Variants in MTF1 observed in about 807,000 individuals in gnomAD.
The protein encoded by MTF1 is MRE-binding transcription factor.
A neutral mutation model predicts 70.4 loss-of-function variants in MTF1; 22 were observed. That is an observed-to-expected ratio of 0.31 (90% CI 0.22 to 0.45). The LOEUF is 0.45. Among genes scored for constraint, MTF1 ranks in the 20% least tolerant of loss-of-function variants. MTF1 has a pLI of 1.00. For missense variants in MTF1, 649 were observed against 922.0 expected, an observed-to-expected ratio of 0.70 and a Z score of 3.83; for synonymous variants, 333 against 352.8, an observed-to-expected ratio of 0.94 and a Z score of 0.63.
intron 4 of MTF1, among the ~76,000 whole-genome samples, chr1:37,836,825 C>T (rs945422090): frequency 6.6e-6 from 1 of 151,712 alleles, no homozygotes; most frequent in African/African-American, 2.4e-5. Flanking sequence ...TACATGCAAT[C>T]ATCATCATGT....
rs186226419 is a variant in MTF1, at chr1:37,814,086, G to C, written c.*1050C>G. Reference sequence around the variant, plus strand: ...ATGAGGCTGTATGCAAAATCCAGAGGGGGGCAGAGATGGAGGGGGCAACCC... The same window carrying C: ...ATGAGGCTGTATGCAAAATCCAGAGCGGGGCAGAGATGGAGGGGGCAACCC... On this transcript the variant is annotated 3_prime_UTR_variant, in exon 11 of 11. Transcript: ENST00000373036. The C allele has an allele frequency of 6.5e-6, 1 of 152,674 alleles. No homozygotes were observed. The highest frequency in any genetic ancestry group is 2.4e-5 in the African/African-American group (1 of 41,392). 9.5% of individuals were successfully genotyped at this position (152,674 alleles called of 1,614,324 possible).
chr1:37,817,341 G>A, intron 10 of MTF1, 78 bp downstream of exon 10: 1 of 868,826 alleles, frequency 1.2e-6, no homozygotes, highest in Non-Finnish European at 1.9e-6. Flanking sequence ...TTTAGAAACT[G>A]GGACAAAGCA....
intron 7 of MTF1, among the ~76,000 whole-genome samples, chr1:37,825,863 T>C (rs1453800215): frequency 1.3e-5 from 2 of 152,216 alleles, no homozygotes; most frequent in African/African-American, 4.8e-5. Context: ...ACATATAACA[T>C]TCAAAATATC....
In MTF1 at chr1:37,815,483, G is replaced by A. The variant is rs374578598; in HGVS notation, c.1915C>T (p.Arg639Trp). 1.6e-5 allele frequency: 26 copies of A among 1,584,060 alleles called. No homozygotes were observed. The highest frequency in any genetic ancestry group is 1.7e-4 in the Middle Eastern group (1 of 5,900). The stretch of plus-strand genomic sequence containing the variant: ...GATGCCCGCTCCTTTGCAGAGTCCC[G>A]GCATGCACACTGACACTGACATGCC... ...EEACQCQCAC[R>W]DSAKERASSR... Residue 639 changes from arginine (R) to tryptophan (W), a missense_variant, in exon 11 of 11, where the codon CGG (arginine) becomes TGG (tryptophan). By Grantham distance (101) the Arg-to-Trp change is moderately radical. Around this residue, in one of 7 missense-constraint regions of MTF1, gnomAD observed 39 missense variants for 97.8 expected, o/e 0.40. Transcript: ENST00000373036. This position sits in a 1 kb window ranked among gnomAD's most constrained non-coding sequence, Gnocchi z 4.5.
intron 9 of MTF1, among the ~76,000 whole-genome samples, chr1:37,820,383 A>G (rs1254781072): frequency 6.6e-6 from 1 of 152,264 alleles, no homozygotes; most frequent in African/African-American, 2.4e-5. Context: ...GCAGTGGCCA[A>G]GAGCCACCAA....
At chr1:37,826,445 TG>T (rs1641002603) in intron 7 of MTF1, 1 of 376,170 alleles carries the variant, frequency 2.7e-6, no homozygotes, top group African/African-American at 2.1e-5. Context: ...CATGCCTGGC[TG>T]CTTTTTAAAA....
intron 3 of MTF1, 81 bp from the exon 4 acceptor site, chr1:37,838,837 T>G: frequency 9.2e-7 from 1 of 1,081,878 alleles, no homozygotes; most frequent in Non-Finnish European, 1.2e-6. Context: ...AGAGTTTCGC[T>G]CTTGTCGCCC....
rs892888165 is a variant in MTF1 at position 37,815,663 on chromosome 1, G to A, written c.1832-97C>T. 1.5e-5 allele frequency: 14 copies of A among 907,732 alleles called. No individual in the cohort carries two copies. In the East Asian group the frequency reaches 3.2e-4, roughly 21 times the overall value. The allele number at this position is 907,732 out of a possible 1,614,324, so 56.2% of individuals were successfully genotyped here. On this transcript the variant is annotated intron_variant, in intron 10 of 10. Coordinates refer to ENST00000373036, the MANE Select transcript of MTF1 (RefSeq NM_005955.3). This position sits in a 1 kb window ranked among gnomAD's most constrained non-coding sequence, Gnocchi z 4.5. ...GGACTAGGTGAGAGCAGAGTGCCATGGGAACCATGGGAAGGATGGTTGCCA... is the reference window on the plus strand; with the variant it reads ...GGACTAGGTGAGAGCAGAGTGCCATAGGAACCATGGGAAGGATGGTTGCCA...
chr1:37,840,346 A>C lies in MTF1; in HGVS notation c.409-188T>G. 3.3e-6 allele frequency: 2 copies of C among 611,202 alleles called. No homozygotes were observed. The highest frequency in any genetic ancestry group is 3.8e-5 in the South Asian group (2 of 52,766). 37.9% of individuals were successfully genotyped at this position (611,202 alleles called of 1,614,324 possible). On this transcript the variant is annotated intron_variant, in intron 2 of 10. Coordinates refer to ENST00000373036, the MANE Select transcript of MTF1 (RefSeq NM_005955.3). This position sits in a 1 kb window ranked among gnomAD's most constrained non-coding sequence, Gnocchi z 4.5. ...GTTGATCAAATCATACCTGGACAAC[A>C]CATAATGATTTATGGGGAAGAAATA...
At chr1:37,825,000 C>T (rs1309242964) in intron 7 of MTF1, among the ~76,000 whole-genome samples, 1 of 152,138 alleles carries the variant, frequency 6.6e-6, no homozygotes, top group Admixed American at 6.5e-5. Flanking sequence ...GGAAAGACTA[C>T]AGTTCTTCTA....
chr1:37,839,662 A>C (rs1333192331), intron 3 of MTF1, among the ~76,000 whole-genome samples: 1 of 152,184 alleles, frequency 6.6e-6, no homozygotes, highest in Non-Finnish European at 1.5e-5. Context: ...TGAGATGCAA[A>C]TCTAAACAGA....
chr1:37,827,786 A>G (rs1641026616), intron 7 of MTF1, among the ~76,000 whole-genome samples: 1 of 152,230 alleles, frequency 6.6e-6, no homozygotes, highest in South Asian at 2.1e-4. Flanking sequence ...TTTGTCAATG[A>G]TATTAGGTTG....
chr1:37,824,191 T>C (rs778226018), intron 7 of MTF1, among the ~76,000 whole-genome samples: 5 of 152,184 alleles, frequency 3.3e-5, no homozygotes, highest in Non-Finnish European at 7.4e-5. Context: ...GACTTGCCAG[T>C]TGATTTCCTG....
chr1:37,850,011 G>T (rs1306129531), intron 2 of MTF1, among the ~76,000 whole-genome samples: 1 of 152,224 alleles, frequency 6.6e-6, no homozygotes, highest in Non-Finnish European at 1.5e-5. Flanking sequence ...GGGAGGCCAA[G>T]GTGGAAGGAT....
intron 6 of MTF1, chr1:37,834,566 G>C (rs1240614527): frequency 1.2e-5 from 5 of 426,672 alleles, no homozygotes; most frequent in Non-Finnish European, 2.4e-5. Context: ...CACTCTGGCT[G>C]ATATATGTAG....
rs576730325 is a variant in MTF1 at position 37,809,982 on chromosome 1, A to C, written c.*5154T>G. 1 of 152,688 alleles carries C rather than the reference A, an allele frequency of 6.5e-6. No homozygotes were observed. Among genetic ancestry groups the C allele is most frequent in the Non-Finnish European group, 1.5e-5 (1 of 68,040 alleles). The allele number at this position is 152,688 out of a possible 1,614,324, so 9.5% of individuals were successfully genotyped here. ...CTTTCCTGGCTAGAAGATCTGAGCCAGAAATTCAGCAAAAATCTGTTTCCA... is the reference window on the plus strand; with the variant it reads ...CTTTCCTGGCTAGAAGATCTGAGCCCGAAATTCAGCAAAAATCTGTTTCCA... On this transcript the variant is annotated 3_prime_UTR_variant, in exon 11 of 11. Transcript: ENST00000373036.
chr1:37,824,797 A>C (rs1456290227), intron 7 of MTF1, among the ~76,000 whole-genome samples: 1 of 152,216 alleles, frequency 6.6e-6, no homozygotes, highest in Non-Finnish European at 1.5e-5. Context: ...ATGATATTCT[A>C]GTATGTATGC....
chr1:37,830,078 T>C (rs1314154195), intron 7 of MTF1, among the ~76,000 whole-genome samples: 2 of 152,194 alleles, frequency 1.3e-5, no homozygotes, highest in African/African-American at 2.4e-5. Flanking sequence ...GGCCAGAGAA[T>C]AGACTCCTAA....
chr1:37,846,061 G>A (rs1045801798), intron 2 of MTF1, among the ~76,000 whole-genome samples: 1 of 152,132 alleles, frequency 6.6e-6, no homozygotes, highest in East Asian at 1.9e-4. Context: ...CATACAGGAG[G>A]TATTGCAACA....
Sources: allele counts gnomAD v4.1 joint callset (sites outside exome capture counted in the v4.1 genomes callset), GRCh38; gene constraint gnomAD v4.1.1; regional missense constraint gnomAD v4.1.1; non-coding constraint Gnocchi (gnomAD v3.1); transcripts MANE v1.5; gene names NCBI Gene and HGNC (gene_info 2026-07-23, HGNC 2026-07-21).